PDGFRL: variants seen among roughly 807,000 people sequenced by gnomAD.
PDGFRL encodes platelet derived growth factor receptor like, also known as platelet-derived growth factor receptor-like protein.
A neutral mutation model predicts 37.2 loss-of-function variants in PDGFRL; 46 were observed. The ratio of observed to expected loss-of-function variants is 1.24; its 90% CI spans 0.98 to 1.58. The LOEUF (loss-of-function observed/expected upper bound fraction) is 1.58, where lower values mean the gene tolerates loss of function less well. PDGFRL is among the 40% of genes most tolerant of loss of function. PDGFRL has a pLI of 0.00. For synonymous variants in PDGFRL, 251 were observed against 184.3 expected (o/e 1.36, Z -2.93); for missense variants, 692 against 467.6 (o/e 1.48, Z -4.43).
intron 3 of PDGFRL, among the ~76,000 whole-genome samples, chr8:17,623,733 G>A (rs965593071): frequency 1.3e-5 from 2 of 152,058 alleles, no homozygotes; most frequent in African/African-American, 2.4e-5. Flanking sequence ...AGTTAGCTGG[G>A]CGTGGTGGTG....
At chr8:17,612,449 G>C (rs1040583940) in intron 2 of PDGFRL, among the ~76,000 whole-genome samples, 1 of 151,864 alleles carries the variant, frequency 6.6e-6, no homozygotes. Context: ...TCAGCTCACT[G>C]CACCTCTGCC....
intron 1 of PDGFRL, among the ~76,000 whole-genome samples, chr8:17,580,205 C>T (rs958618000): frequency 1.3e-5 from 2 of 152,020 alleles, no homozygotes; most frequent in African/African-American, 4.8e-5. Flanking sequence ...GGACTACAGA[C>T]ATTCATTATT....
Position 17,589,732 on chromosome 8 carries a change from C to T in PDGFRL, c.320C>T (p.Ala107Val), listed in dbSNP as rs537107335. 2.0e-5 allele frequency: 32 copies of T among 1,611,270 alleles called. No individual in the cohort carries two copies. The highest frequency in any genetic ancestry group is 1.1e-4 in the East Asian group (5 of 44,848). Residue 107 changes from alanine to valine, a missense_variant, in exon 2 of 6, where the codon GCG becomes GTG. By Grantham distance (64) the Ala-to-Val change is moderately conservative. Coordinates refer to ENST00000251630, the MANE Select transcript of PDGFRL (RefSeq NM_001372073.1). ...AGTAGAATTGGGTGGAGCTACCCTG[C>T]GTATCTGGACACCTTTAAGGATTCT... ...KGSRIGWSYPAYLDTFKDSRL... is the reference protein window; with the variant it reads ...KGSRIGWSYPVYLDTFKDSRL...
intron 2 of PDGFRL, among the ~76,000 whole-genome samples, chr8:17,602,832 G>T (rs142723374): frequency 2.6e-3 from 401 of 152,268 alleles, no homozygotes; most frequent in African/African-American, 9.2e-3. Flanking sequence ...ACCAGTAAAT[G>T]AAGAAACATT....
chr8:17,631,725 C>T (rs1033679487), intron 4 of PDGFRL, among the ~76,000 whole-genome samples: 18 of 152,196 alleles, frequency 1.2e-4, no homozygotes, highest in Non-Finnish European at 8.8e-5. Flanking sequence ...CTGTCCCTGT[C>T]CTCCTGGATT....
chr8:17,632,439 C>T (rs189264880), intron 4 of PDGFRL, among the ~76,000 whole-genome samples: 1 of 151,904 alleles, frequency 6.6e-6, no homozygotes, highest in East Asian at 1.9e-4. Flanking sequence ...CTCCTGGGCT[C>T]GAGGGATTCT....
intron 1 of PDGFRL, among the ~76,000 whole-genome samples, chr8:17,581,466 G>A (rs1047895909): frequency 5.3e-5 from 8 of 152,112 alleles, no homozygotes; most frequent in African/African-American, 1.9e-4. Flanking sequence ...TTCAAAGGTA[G>A]GTGCTATGGT....
chr8:17,635,177 GGT>G (rs1804947068), intron 5 of PDGFRL, among the ~76,000 whole-genome samples: 1 of 152,034 alleles, frequency 6.6e-6, no homozygotes, highest in African/African-American at 2.4e-5. Context: ...AAGAACAGTA[GGT>G]GTGTGTTACG....
intron 1 of PDGFRL, among the ~76,000 whole-genome samples, chr8:17,579,565 A>ATTATTT (rs1048134834): frequency 2.0e-5 from 3 of 148,692 alleles, no homozygotes; most frequent in Non-Finnish European, 4.5e-5. Context: ...TGTTATTATT[A>ATTATTT]TTATTATTAT....
intron 2 of PDGFRL, among the ~76,000 whole-genome samples, chr8:17,617,021 G>A (rs1804544313): frequency 6.6e-6 from 1 of 152,170 alleles, no homozygotes; most frequent in Non-Finnish European, 1.5e-5. Flanking sequence ...GCCACCCCCA[G>A]GAGAGAGCAG....
At chr8:17,633,925 T>C (rs1279526186) in intron 4 of PDGFRL, 149 bp from the exon 5 acceptor site, 3 of 804,010 alleles carry the variant, frequency 3.7e-6, no homozygotes, top group Non-Finnish European at 6.4e-6. Context: ...AAGCCCCAAG[T>C]TGTGGGCTCA....
chr8:17,625,455 T>TC (rs1263003696), intron 3 of PDGFRL, among the ~76,000 whole-genome samples: 1 of 151,262 alleles, frequency 6.6e-6, no homozygotes, highest in Non-Finnish European at 1.5e-5. Context: ...TGGTCGAGTT[T>TC]TTTTTTTTAA....
At chr8:17,587,614 G>C (rs2150811107) in intron 1 of PDGFRL, among the ~76,000 whole-genome samples, 1 of 152,126 alleles carries the variant, frequency 6.6e-6, no homozygotes, top group South Asian at 2.1e-4. Flanking sequence ...TACAATCATA[G>C]CTCATCATAA....
intron 1 of PDGFRL, 142 bp downstream of exon 1, chr8:17,577,449 C>G (rs933193104): frequency 8.4e-6 from 6 of 716,878 alleles, no homozygotes; most frequent in Admixed American, 8.2e-5. Context: ...CTGCCCGGTG[C>G]ACCTGCCCCC....
chr8:17,593,855 T>G (rs867361659), intron 2 of PDGFRL, among the ~76,000 whole-genome samples: 15 of 149,654 alleles, frequency 1.0e-4, no homozygotes, highest in African/African-American at 3.5e-4. Context: ...GCCTTTGCAC[T>G]CCAGCCTGGG....
chr8:17,582,260 A>C (rs1426457805), intron 1 of PDGFRL, among the ~76,000 whole-genome samples: 2 of 152,080 alleles, frequency 1.3e-5, no homozygotes, highest in Non-Finnish European at 2.9e-5. Context: ...TTAATCAGCA[A>C]AGTGCTCAAG....
intron 3 of PDGFRL, among the ~76,000 whole-genome samples, chr8:17,624,970 T>C (rs1160686510): frequency 7.5e-6 from 1 of 134,214 alleles, no homozygotes; most frequent in Non-Finnish European, 1.7e-5. Context: ...CTTGCATTTA[T>C]TTATTTTTTT....
At chr8:17,632,428 C>A (rs561418158) in intron 4 of PDGFRL, among the ~76,000 whole-genome samples, 26 of 151,570 alleles carry the variant, frequency 1.7e-4, no homozygotes, top group African/African-American at 6.1e-4. Context: ...GCAACCTCCA[C>A]CTCCTGGGCT....
intron 2 of PDGFRL, among the ~76,000 whole-genome samples, chr8:17,598,642 T>C (rs1157828009): frequency 6.6e-6 from 1 of 152,212 alleles, no homozygotes; most frequent in African/African-American, 2.4e-5. Context: ...TCTATGGTGC[T>C]GTGTCACCTG....
Sources: gnomAD v4.1 joint callset for allele counts (sites outside exome capture counted in the v4.1 genomes callset) on GRCh38, gnomAD v4.1.1 for gene constraint, MANE v1.5 for transcripts, NCBI Gene and HGNC (gene_info 2026-07-23, HGNC 2026-07-21) for gene names.